Variants in MREG observed in about 807,000 individuals in gnomAD.
The protein encoded by MREG is melanoregulin, also known as dilute suppressor protein homolog.
A neutral mutation model predicts 28.5 loss-of-function variants in MREG; 31 were observed. That is an observed-to-expected ratio of 1.09 (90% CI 0.82 to 1.47). MREG has a LOEUF of 1.47. Among genes scored for constraint, MREG ranks in the 40% most tolerant of loss-of-function variants. The pLI, the probability that MREG is intolerant of heterozygous loss-of-function variation, is 0.00. For missense variants in MREG, 256 were observed against 257.4 expected, an observed-to-expected ratio of 0.99 and a Z score of 0.04; for synonymous variants, 106 against 95.2, an observed-to-expected ratio of 1.11 and a Z score of -0.66.
At chr2:216,004,564 CAAA>C (rs5838561) in intron 1 of MREG, among the ~76,000 whole-genome samples, 1 of 146,166 alleles carries the variant, frequency 6.8e-6, no homozygotes. Context: ...AAAAAACAAA[CAAA>C]AAAAAAAAAC....
intron 2 of MREG, among the ~76,000 whole-genome samples, chr2:215,963,295 A>G (rs1692844701): frequency 6.6e-6 from 1 of 150,506 alleles, no homozygotes; most frequent in African/African-American, 2.5e-5. Context: ...CCCCGCCTCT[A>G]CCAAAAATAC....
intron 1 of MREG, among the ~76,000 whole-genome samples, chr2:216,025,753 C>G (rs1003243050): frequency 3.3e-5 from 5 of 152,228 alleles, no homozygotes; most frequent in Non-Finnish European, 2.9e-5. Flanking sequence ...GCAGCTCCTT[C>G]CTTCCGGAGG....
At chr2:216,015,092 C>T (rs1034251415), upstream of MREG, among the ~76,000 whole-genome samples, 8 of 152,096 alleles carry the variant, frequency 5.3e-5, no homozygotes, top group Non-Finnish European at 1.0e-4. Context: ...TAAGAAGTGC[C>T]AGGGAGAGCG....
intron 2 of MREG, among the ~76,000 whole-genome samples, chr2:215,982,198 G>A (rs1329765535): frequency 1.3e-5 from 2 of 152,048 alleles, no homozygotes; most frequent in Non-Finnish European, 2.9e-5. Flanking sequence ...GTGCATGCCT[G>A]TAATTCCAGC....
At chr2:215,987,678 C>T (rs951405193) in intron 2 of MREG, among the ~76,000 whole-genome samples, 7 of 152,048 alleles carry the variant, frequency 4.6e-5, no homozygotes, top group Admixed American at 2.0e-4. Context: ...GTCAGGAGCT[C>T]GAGACCAGAC....
chr2:215,984,317 A>T (rs1693506967), intron 2 of MREG, among the ~76,000 whole-genome samples: 1 of 152,094 alleles, frequency 6.6e-6, no homozygotes, highest in African/African-American at 2.4e-5. Flanking sequence ...TTGAGTGGGG[A>T]CACAGCCAAA....
chr2:215,961,481 A>G (rs1207517008), intron 2 of MREG, among the ~76,000 whole-genome samples: 1 of 152,088 alleles, frequency 6.6e-6, no homozygotes, highest in African/African-American at 2.4e-5. Flanking sequence ...GCTGGAGTGC[A>G]GTGGCGCAAT....
At chr2:215,939,606 G>A (rs904957201), downstream of MREG, 1 of 152,144 alleles carries the variant, frequency 6.6e-6, no homozygotes, top group African/African-American at 2.4e-5. Context: ...TGGAGCTCTA[G>A]GCCTTGAGTA....
At chr2:215,981,020 A>G (rs1693415206) in intron 2 of MREG, among the ~76,000 whole-genome samples, 1 of 152,216 alleles carries the variant, frequency 6.6e-6, no homozygotes, top group South Asian at 2.1e-4. Context: ...GTGAAAATGT[A>G]AAATGGTACA....
rs780813100 is a variant in MREG at position 215,996,428 on chromosome 2, C to T, written c.133G>A (p.Val45Met). Residue 45 changes from valine (V) to methionine (M), a missense_variant, in exon 2 of 5, where the codon GTG becomes ATG. Physicochemically the swap from Val to Met is conservative, Grantham distance 21. Transcript: ENST00000263268. ...CATAAATTCTTCTCATCATCCCTCACCAGAGTTGCTCCAAATGAGGAATAT... is the reference window on the plus strand; with the variant it reads ...CATAAATTCTTCTCATCATCCCTCATCAGAGTTGCTCCAAATGAGGAATAT... Reference protein sequence around the residue: ...NPYSSFGATLVRDDEKNLWSM... With the variant: ...NPYSSFGATLMRDDEKNLWSM... 3.7e-6 allele frequency: 6 copies of T among 1,613,482 alleles called. No homozygotes were observed. The South Asian group carries it at 6.6e-5, about 18-fold the overall frequency.
At chr2:215,995,692 A>T (rs963263429) in intron 2 of MREG, among the ~76,000 whole-genome samples, 2 of 152,218 alleles carry the variant, frequency 1.3e-5, no homozygotes. Flanking sequence ...GAAAAAAAGT[A>T]TGATTGTCTT....
intron 1 of MREG, among the ~76,000 whole-genome samples, chr2:216,005,630 T>C (rs553182185): frequency 9.0e-4 from 137 of 151,720 alleles, no homozygotes; most frequent in African/African-American, 3.1e-3. Context: ...TTTTTGTAGT[T>C]TGAGTAGACA....
chr2:215,983,912 A>C (rs1383536264), intron 2 of MREG, among the ~76,000 whole-genome samples: 1 of 152,240 alleles, frequency 6.6e-6, no homozygotes, highest in African/African-American at 2.4e-5. Context: ...TATGCCAAAT[A>C]AACATCACCA....
At chr2:215,939,693 A>G (rs1056161124), downstream of MREG, 1 of 152,226 alleles carries the variant, frequency 6.6e-6, no homozygotes, top group Admixed American at 6.5e-5. Context: ...TATTCCTAGT[A>G]TCATTTACAC....
At chr2:216,011,573 A>G (rs1694311887) in intron 1 of MREG, among the ~76,000 whole-genome samples, 1 of 152,224 alleles carries the variant, frequency 6.6e-6, no homozygotes, top group Non-Finnish European at 1.5e-5. Flanking sequence ...GTGCCAGGTT[A>G]CCTAGTTGGG....
At chr2:215,974,825 G>GAC (rs71982102) in intron 2 of MREG, among the ~76,000 whole-genome samples, 6,485 of 126,360 alleles carry the variant, frequency 0.051, 262 homozygotes, top group African/African-American at 0.12. Context: ...CACACACACA[G>GAC]ACACACACAC....
intron 1 of MREG, among the ~76,000 whole-genome samples, chr2:216,002,100 A>G (rs1454961771): frequency 2.6e-5 from 4 of 152,088 alleles, no homozygotes; most frequent in Non-Finnish European, 5.9e-5. Flanking sequence ...TCCCCTGGCC[A>G]CCACCTGCTG....
chr2:215,990,463 G>A (rs369676991), intron 2 of MREG, among the ~76,000 whole-genome samples: 11 of 152,204 alleles, frequency 7.2e-5, no homozygotes, highest in African/African-American at 9.6e-5. Flanking sequence ...AAAGACCATC[G>A]ACACTATGAA....
intron 2 of MREG, among the ~76,000 whole-genome samples, chr2:215,949,062 ACTACTACTACTACTACTACTAC>A (rs1692397781): frequency 2.1e-5 from 3 of 141,232 alleles, no homozygotes; most frequent in African/African-American, 5.2e-5. Flanking sequence ...TACTACTACT[ACTACTACTACTACTACTACTAC>A]TACTAATAAT....
Sources: gnomAD v4.1 joint callset for allele counts (sites outside exome capture counted in the v4.1 genomes callset) on GRCh38, gnomAD v4.1.1 for gene constraint, MANE v1.5 for transcripts, NCBI Gene and HGNC (gene_info 2026-07-23, HGNC 2026-07-21) for gene names.